The following CYP2F1 variants were observed in gnomAD, a reference collection of about 807,000 sequenced individuals.
The protein encoded by CYP2F1 is cytochrome P450 2F1.
In CYP2F1, 33 loss-of-function variants were observed where a neutral mutation model predicts 40.4. The ratio of observed to expected loss-of-function variants is 0.82; its 90% confidence interval spans 0.62 to 1.09. The LOEUF is 1.09. Ranked by LOEUF, CYP2F1 falls within the 50% of genes least tolerant of loss-of-function variation. The probability of loss-of-function intolerance (pLI) is 0.00; values close to 1 mark genes in which losing one functional copy is unlikely to be tolerated. For missense variants in CYP2F1, 566 were observed against 655.7 expected (o/e 0.86, Z 1.49); for synonymous variants, 235 against 277.2 (o/e 0.85, Z 1.51).
Position 41,124,660 on chromosome 19 carries a change from C to T in CYP2F1, c.965-59C>T, listed in dbSNP as rs906020031. On this transcript the variant is annotated intron_variant, in intron 7 of 9. Coordinates refer to ENST00000331105, the MANE Select transcript of CYP2F1 (RefSeq NM_000774.5). The stretch of plus-strand genomic sequence containing the variant: ...CACACACGCACACACCTCTTATCAG[C>T]CTGGTTGCCCTGTCGCGCCCGCTGA... The T allele has an allele frequency of 1.9e-5, 28 of 1,487,524 alleles. No homozygotes were observed. The African/African-American group carries it at 2.3e-4, about 12-fold the overall frequency. The allele number at this position is 1,487,524 out of a possible 1,614,324, so 92.1% of individuals were successfully genotyped here. A position where few individuals can be genotyped will look rare whatever the true frequency, so the allele number is the denominator to read the frequency against.
chr19:41,115,836 C>T (rs1283750630), intron 1 of CYP2F1, among the ~76,000 whole-genome samples: 5 of 152,030 alleles, frequency 3.3e-5, no homozygotes, highest in African/African-American at 1.2e-4. Flanking sequence ...TGATAGATGG[C>T]TGATAGGTAG....
At chr19:41,124,255 C>CCCCCTT (rs1568381420) in intron 7 of CYP2F1, among the ~76,000 whole-genome samples, 11 of 35,256 alleles carry the variant, frequency 3.1e-4, no homozygotes, top group African/African-American at 1.3e-3. Flanking sequence ...TCCCCCCCCC[C>CCCCCTT]TTTTTTTTTT....
In CYP2F1 at chr19:41,128,083, C is replaced by G; in HGVS notation, c.*1C>G. On this transcript the variant is annotated 3_prime_UTR_variant, in exon 10 of 10. Transcript: ENST00000331105. ...CCAGCTGTGCCTGCGCCCGCGCTAA[C>G]GCCCCGGCCCTTCCAGATTCGCCTG... 3 of 1,599,544 alleles carry G rather than the reference C, an allele frequency of 1.9e-6. No homozygotes were observed. The highest frequency in any genetic ancestry group is 2.6e-6 in the Non-Finnish European group (3 of 1,173,306).
intron 7 of CYP2F1, among the ~76,000 whole-genome samples, chr19:41,123,882 G>A (rs73545059): frequency 0.056 from 8,541 of 151,890 alleles, 510 homozygotes; most frequent in African/African-American, 0.15. Flanking sequence ...GTCCACCTCC[G>A]GCTTCAGAGC....
intron 7 of CYP2F1, among the ~76,000 whole-genome samples, chr19:41,123,686 A>G (rs1365828902): frequency 6.6e-6 from 1 of 151,778 alleles, no homozygotes; most frequent in Non-Finnish European, 1.5e-5. Flanking sequence ...CAATACACTC[A>G]GCTAATTTTT....
intron 3 of CYP2F1, among the ~76,000 whole-genome samples, chr19:41,117,679 C>T (rs1282261217): frequency 6.6e-6 from 1 of 152,038 alleles, no homozygotes; most frequent in African/African-American, 2.4e-5. Context: ...TCTTATAACC[C>T]CCTTCATTCC....
At chr19:41,127,071 T>C (rs1329592225) in intron 9 of CYP2F1, among the ~76,000 whole-genome samples, 2 of 152,206 alleles carry the variant, frequency 1.3e-5, no homozygotes, top group African/African-American at 4.8e-5. Flanking sequence ...CCTCTGGGAA[T>C]GTGTGGCCCA....
intron 3 of CYP2F1, among the ~76,000 whole-genome samples, chr19:41,119,664 G>A (rs1437499398): frequency 7.7e-6 from 1 of 129,178 alleles, no homozygotes; most frequent in Admixed American, 8.3e-5. Flanking sequence ...ACTCCAGCCT[G>A]GCAACAGAGC....
intron 3 of CYP2F1, among the ~76,000 whole-genome samples, chr19:41,118,513 T>C (rs1240372901): frequency 6.6e-6 from 1 of 152,018 alleles, no homozygotes; most frequent in Non-Finnish European, 1.5e-5. Context: ...TAGGTACACG[T>C]TCCATCCTTC....
chr19:41,121,400 T>C (rs1157049489), intron 4 of CYP2F1, 58 bp from the exon 5 acceptor site: 16 of 1,515,054 alleles, frequency 1.1e-5, no homozygotes, highest in East Asian at 9.3e-5. Context: ...TGTTGCTGCA[T>C]GAGGTCTGGT....
At chr19:41,117,284 C>T (rs551561816) in intron 3 of CYP2F1, among the ~76,000 whole-genome samples, 1 of 152,174 alleles carries the variant, frequency 6.6e-6, no homozygotes, top group East Asian at 1.9e-4. Flanking sequence ...GTGCACACTA[C>T]CACACCTGGT....
rs1301263886 is a variant in CYP2F1, at chr19:41,121,673, T to C, written c.645+55T>C. The C allele has an allele frequency of 1.8e-5, 27 of 1,509,802 alleles. 2 individuals carry two copies. The highest frequency in any genetic ancestry group is 3.0e-5 in the African/African-American group (2 of 67,430). 93.5% of individuals were successfully genotyped at this position (1,509,802 alleles called of 1,614,324 possible). ...GTGTGGGGTCCGCAGGATCTAGGAA[T>C]GGAGAGGAAACAGTGGGCGGGGAAA... On this transcript the variant is annotated intron_variant, in intron 5 of 9. Coordinates refer to ENST00000331105, the MANE Select transcript of CYP2F1 (RefSeq NM_000774.5).
intron 1 of CYP2F1, among the ~76,000 whole-genome samples, chr19:41,114,800 T>C: frequency 6.9e-6 from 1 of 145,262 alleles, no homozygotes; most frequent in Non-Finnish European, 1.5e-5. Flanking sequence ...TTTTTTTTTT[T>C]TTTTTTTTTT....
In CYP2F1 at chr19:41,124,695, CCCCGCTT is replaced by C. The variant is rs773763250; in HGVS notation, c.965-14_965-8del. ...CTGTCGCGCCCGCTGATACCCTCGA[CCCCGCTT>C]CCCGCTTCCTCTCCAGCCCGCGTGC... On this transcript the variant is annotated splice_polypyrimidine_tract_variant and intron_variant, in intron 7 of 9. Coordinates refer to ENST00000331105, the MANE Select transcript of CYP2F1 (RefSeq NM_000774.5). 6 of 1,593,348 alleles carry C rather than the reference CCCCGCTT, an allele frequency of 3.8e-6. No individual in the cohort carries two copies. In the East Asian group the frequency reaches 1.3e-4, roughly 36 times the overall value.
rs774876663 is a variant in CYP2F1, at chr19:41,116,628, T to C, written c.334+11T>C. The C allele has an allele frequency of 2.9e-5, 46 of 1,613,192 alleles. No homozygotes were observed. In the Admixed American group the frequency reaches 7.7e-4, roughly 27 times the overall value. Reference sequence around the variant, plus strand: ...TTACCAAGGGCAATGGTAAGCCTCGTCCTTGTCTCCTCCGCTCTCGGCCTT... The same window carrying C: ...TTACCAAGGGCAATGGTAAGCCTCGCCCTTGTCTCCTCCGCTCTCGGCCTT... On this transcript the variant is annotated intron_variant, in intron 3 of 9. Coordinates refer to ENST00000331105, the MANE Select transcript of CYP2F1 (RefSeq NM_000774.5).
chr19:41,119,551 A>G (rs1191624000), intron 3 of CYP2F1, among the ~76,000 whole-genome samples: 1 of 151,616 alleles, frequency 6.6e-6, no homozygotes, highest in Non-Finnish European at 1.5e-5. Flanking sequence ...GATCGAGACC[A>G]TCCTTGCCAT....
Position 41,125,654 on chromosome 19 carries a change from T to G in CYP2F1, c.1294+20T>G. 6.2e-7 allele frequency: 1 copy of G among 1,613,448 alleles called. No individual in the cohort carries two copies. The highest frequency in any genetic ancestry group is 8.5e-7 in the Non-Finnish European group (1 of 1,179,776). On this transcript the variant is annotated intron_variant, in intron 9 of 9. Transcript: ENST00000331105. ...CAGCTGGTGAGGGCAGGAATCAGAGTCTTTCTGGCCCAATTTCTACCTACA... is the reference window on the plus strand; with the variant it reads ...CAGCTGGTGAGGGCAGGAATCAGAGGCTTTCTGGCCCAATTTCTACCTACA...
At chr19:41,116,921 A>T (rs2031849682) in intron 3 of CYP2F1, among the ~76,000 whole-genome samples, 1 of 151,956 alleles carries the variant, frequency 6.6e-6, no homozygotes, top group Non-Finnish European at 1.5e-5. Flanking sequence ...TTTCCAACTC[A>T]GTCAAGTGGC....
At chr19:41,124,511 G>T (rs529794176) in intron 7 of CYP2F1, among the ~76,000 whole-genome samples, 15 of 152,086 alleles carry the variant, frequency 9.9e-5, no homozygotes, top group Admixed American at 6.5e-4. Flanking sequence ...CGATCCGTCC[G>T]CCTGGGCCTC....
Sources: allele counts gnomAD v4.1 joint callset (sites outside exome capture counted in the v4.1 genomes callset), GRCh38; gene constraint gnomAD v4.1.1; transcripts MANE v1.5; gene names NCBI Gene and HGNC (gene_info 2026-07-23, HGNC 2026-07-21).